Variants in RNLS observed in about 807,000 individuals in gnomAD.
RNLS encodes the protein renalase.
Under a neutral mutation model 39.8 loss-of-function variants are expected in RNLS, and 39 were observed. The observed-to-expected ratio is 0.98, with a 90% CI of 0.76 to 1.28. The LOEUF (loss-of-function observed/expected upper bound fraction) is 1.28, where lower values mean the gene tolerates loss of function less well. Among genes scored for constraint, RNLS ranks in the 50% most tolerant of loss-of-function variants. The pLI is 0.00. For synonymous variants in RNLS, 147 were observed against 150.7 expected, an observed-to-expected ratio of 0.98 and a Z score of 0.18; for missense variants, 410 against 413.3, an observed-to-expected ratio of 0.99 and a Z score of 0.07.
At chr10:88,396,617 T>C (rs1852571738) in intron 4 of RNLS, among the ~76,000 whole-genome samples, 1 of 150,316 alleles carries the variant, frequency 6.7e-6, no homozygotes. Context: ...AATAGCAAAA[T>C]GGCAGACATA....
chr10:88,440,659 C>A (rs1841662628), intron 4 of RNLS, among the ~76,000 whole-genome samples: 1 of 152,142 alleles, frequency 6.6e-6, no homozygotes, highest in South Asian at 2.1e-4. Context: ...CTTCTGGTAG[C>A]AATGAGGACT....
chr10:88,293,425 CA>C (rs1843824372), intron 6 of RNLS, among the ~76,000 whole-genome samples: 1 of 151,996 alleles, frequency 6.6e-6, no homozygotes, highest in Admixed American at 6.6e-5. Context: ...CCTATCTATG[CA>C]AAGCACAAAG....
At chr10:88,270,103 G>A (rs754274902), downstream of RNLS, among the ~76,000 whole-genome samples, 10 of 152,174 alleles carry the variant, frequency 6.6e-5, no homozygotes, top group Admixed American at 2.6e-4. Flanking sequence ...TAAGCCAGCC[G>A]GGAACATGAG....
At chr10:88,582,398 C>A in intron 1 of RNLS, 91 bp from the exon 2 acceptor site, 1 of 953,944 alleles carries the variant, frequency 1.0e-6, no homozygotes, top group South Asian at 1.7e-5. Flanking sequence ...AAACAGATTA[C>A]TTCAAAAATA....
At chr10:88,452,685 T>G (rs1842425418) in intron 4 of RNLS, among the ~76,000 whole-genome samples, 2 of 152,106 alleles carry the variant, frequency 1.3e-5, no homozygotes, top group South Asian at 4.2e-4. Context: ...CCATTAAATC[T>G]CAAGCTATGG....
At chr10:88,386,398 G>A (rs532853896) in intron 4 of RNLS, among the ~76,000 whole-genome samples, 1 of 152,304 alleles carries the variant, frequency 6.6e-6, no homozygotes, top group South Asian at 2.1e-4. Flanking sequence ...TGACCCATTT[G>A]TTAATCATTA....
At chr10:88,212,423 T>C in the RNLS span, among the ~76,000 whole-genome samples, 1 of 152,242 alleles carries the variant, frequency 6.6e-6, no homozygotes, top group Admixed American at 6.5e-5. Context: ...CTAAAAGTTC[T>C]TCAGATGGTT....
intron 5 of RNLS, among the ~76,000 whole-genome samples, chr10:88,328,009 A>G (rs1846762566): frequency 1.3e-5 from 2 of 152,110 alleles, no homozygotes; most frequent in African/African-American, 4.8e-5. Flanking sequence ...CCCAGGTTCA[A>G]GTGATTCTTG....
chr10:88,242,178 A>G, the RNLS span, among the ~76,000 whole-genome samples: 1 of 152,222 alleles, frequency 6.6e-6, no homozygotes, highest in Non-Finnish European at 1.5e-5. Flanking sequence ...CTATTTTAAG[A>G]AAGGTTGGCA....
the RNLS span, among the ~76,000 whole-genome samples, chr10:88,197,536 T>C: frequency 6.6e-6 from 1 of 152,216 alleles, no homozygotes; most frequent in Non-Finnish European, 1.5e-5. Context: ...GCAATTCGAA[T>C]AATAAGAGAT....
the RNLS span, among the ~76,000 whole-genome samples, chr10:88,237,817 A>G: frequency 1.3e-5 from 2 of 152,224 alleles, no homozygotes; most frequent in African/African-American, 4.8e-5. Context: ...GAGTTACCAA[A>G]AAAAGTAATT....
chr10:88,395,831 T>C lies in RNLS; in HGVS notation c.527-33106A>G, dbSNP rs577472564. Among the ~76,000 whole-genome samples the C allele has an allele frequency of 5.1e-4, 78 of 152,192 alleles. 2 individuals carry two copies. The highest frequency in any genetic ancestry group is 2.4e-3 in the Admixed American group (36 of 15,258). ...TGAAATACAAAGACAAAGAGAATCT[T>C]GAAGCAGCAAGAAAGAAGTGACTCA... On this transcript the variant is annotated intron_variant, in intron 4 of 6. Transcript: ENST00000331772.
At chr10:88,198,607 T>C in the RNLS span, among the ~76,000 whole-genome samples, 1 of 152,122 alleles carries the variant, frequency 6.6e-6, no homozygotes, top group Non-Finnish European at 1.5e-5. Flanking sequence ...GATTGGATCA[T>C]GGGTCACTCT....
At chr10:88,387,989 T>C (rs1208742113) in intron 4 of RNLS, among the ~76,000 whole-genome samples, 1 of 152,146 alleles carries the variant, frequency 6.6e-6, no homozygotes, top group African/African-American at 2.4e-5. Flanking sequence ...AACCTATGTC[T>C]AGAGGGCTCA....
At chr10:88,254,726 A>G in the RNLS span, among the ~76,000 whole-genome samples, 27 of 152,212 alleles carry the variant, frequency 1.8e-4, no homozygotes, top group Non-Finnish European at 1.5e-4. Context: ...AATACCTTCA[A>G]TCACCTAACG....
intron 5 of RNLS, among the ~76,000 whole-genome samples, chr10:88,323,875 C>T (rs1462855549): frequency 2.0e-5 from 3 of 151,928 alleles, no homozygotes; most frequent in African/African-American, 7.2e-5. Flanking sequence ...TTATACAAAT[C>T]AACAAGAAAA....
chr10:88,455,803 C>A (rs563328717), intron 4 of RNLS, among the ~76,000 whole-genome samples: 1 of 152,300 alleles, frequency 6.6e-6, no homozygotes, highest in Non-Finnish European at 1.5e-5. Context: ...TTAGAAAAAA[C>A]TCCCAGTGAC....
chr10:88,256,352 C>T, the RNLS span, among the ~76,000 whole-genome samples: 2 of 152,180 alleles, frequency 1.3e-5, no homozygotes, highest in East Asian at 1.9e-4. Flanking sequence ...CATAATGTTC[C>T]GAGTGCTAAA....
intron 3 of RNLS, among the ~76,000 whole-genome samples, chr10:88,580,055 C>T (rs1394817061): frequency 6.6e-6 from 1 of 152,156 alleles, no homozygotes; most frequent in Non-Finnish European, 1.5e-5. Flanking sequence ...TTGGCTCTTC[C>T]TGAGTCTTGA....
Sources: gnomAD v4.1 joint callset for allele counts (sites outside exome capture counted in the v4.1 genomes callset) on GRCh38, gnomAD v4.1.1 for gene constraint, MANE v1.5 for transcripts, NCBI Gene and HGNC (gene_info 2026-07-23, HGNC 2026-07-21) for gene names.